RBFOX1: variants seen among roughly 807,000 people sequenced by gnomAD.
RBFOX1 encodes RNA binding protein fox-1 homolog 1.
In RBFOX1, 8 loss-of-function variants were observed where a neutral mutation model predicts 57.7. That is an observed-to-expected ratio of 0.14 (90% CI 0.08 to 0.25). The LOEUF (loss-of-function observed/expected upper bound fraction) is 0.25, where lower values mean the gene tolerates loss of function less well. RBFOX1 is among the 10% of genes least tolerant of loss of function. The pLI is 1.00. For missense variants in RBFOX1, 611 were observed against 548.5 expected (o/e 1.11, Z -1.14); for synonymous variants, 326 against 222.4 (o/e 1.47, Z -4.15).
chr16:5,255,298 G>A (rs1246202894), intron 1 of RBFOX1, among the ~76,000 whole-genome samples: 1 of 139,594 alleles, frequency 7.2e-6, no homozygotes, highest in Non-Finnish European at 1.6e-5. Flanking sequence ...CTGCTCATCT[G>A]TCCGCCTATC....
chr16:5,786,909 G>T (rs2054520998), intron 3 of RBFOX1, among the ~76,000 whole-genome samples: 2 of 152,182 alleles, frequency 1.3e-5, no homozygotes, highest in Admixed American at 1.3e-4. Context: ...GTCAAGGTGG[G>T]TGGGTCACTT....
chr16:6,320,436 A>C (rs1376497528), intron 2 of RBFOX1, among the ~76,000 whole-genome samples: 1 of 152,030 alleles, frequency 6.6e-6, no homozygotes, highest in Admixed American at 6.6e-5. Context: ...AAAAATCGCC[A>C]CTAAAGAACT....
intron 1 of RBFOX1, among the ~76,000 whole-genome samples, chr16:5,399,296 G>A (rs1351577084): frequency 6.6e-6 from 1 of 152,146 alleles, no homozygotes; most frequent in East Asian, 1.9e-4. Context: ...GAGGTCAAGG[G>A]CTCACACCTT....
chr16:6,795,938 T>C (rs564744175), intron 3 of RBFOX1, among the ~76,000 whole-genome samples: 1 of 152,256 alleles, frequency 6.6e-6, no homozygotes, highest in African/African-American at 2.4e-5. Flanking sequence ...AATCCAAACA[T>C]TGAGAAACAT....
chr16:6,666,782 GA>G (rs2098735848), intron 3 of RBFOX1, among the ~76,000 whole-genome samples: 1 of 152,022 alleles, frequency 6.6e-6, no homozygotes, highest in Non-Finnish European at 1.5e-5. Context: ...CACATAACAG[GA>G]AAAACCTTGG....
At chr16:5,328,674 C>T (rs931624206) in intron 1 of RBFOX1, among the ~76,000 whole-genome samples, 2 of 152,210 alleles carry the variant, frequency 1.3e-5, no homozygotes, top group African/African-American at 2.4e-5. Flanking sequence ...CCTGCCATAC[C>T]CTTTTTGGTC....
At chr16:6,627,778 C>T (rs1377784203) in intron 2 of RBFOX1, among the ~76,000 whole-genome samples, 3 of 151,984 alleles carry the variant, frequency 2.0e-5, no homozygotes, top group African/African-American at 7.3e-5. Flanking sequence ...GAAACTGAAG[C>T]CAATTGATAA....
At chr16:5,760,418 C>G (rs1356723053) in intron 3 of RBFOX1, among the ~76,000 whole-genome samples, 4 of 151,970 alleles carry the variant, frequency 2.6e-5, no homozygotes, top group South Asian at 2.1e-4. Context: ...ATATATACCC[C>G]CAAAGAATTG....
At chr16:7,560,154 T>A (rs1413907817) in intron 5 of RBFOX1, among the ~76,000 whole-genome samples, 1 of 152,216 alleles carries the variant, frequency 6.6e-6, no homozygotes, top group African/African-American at 2.4e-5. Context: ...GCGATTCATG[T>A]AAATCTCTCT....
intron 4 of RBFOX1, among the ~76,000 whole-genome samples, chr16:7,189,529 CA>C (rs2084821752): frequency 6.7e-6 from 1 of 150,134 alleles, no homozygotes; most frequent in Admixed American, 6.6e-5. Flanking sequence ...ACATTGCCCC[CA>C]CTCCAAAACA....
At chr16:6,477,416 T>G (rs1420660012) in intron 2 of RBFOX1, among the ~76,000 whole-genome samples, 1 of 152,222 alleles carries the variant, frequency 6.6e-6, no homozygotes, top group Admixed American at 6.5e-5. Flanking sequence ...TATGTCCTTG[T>G]GCTTCTCCAT....
At chr16:7,621,414 C>T (rs1399973845) in intron 10 of RBFOX1, among the ~76,000 whole-genome samples, 1 of 152,074 alleles carries the variant, frequency 6.6e-6, no homozygotes, top group South Asian at 2.1e-4. Context: ...GCATATGCCA[C>T]CACGCCTGGC....
intron 2 of RBFOX1, among the ~76,000 whole-genome samples, chr16:6,327,244 C>T (rs937847830): frequency 2.0e-5 from 3 of 152,090 alleles, no homozygotes; most frequent in Non-Finnish European, 4.4e-5. Context: ...GTTGCTCTCT[C>T]ATTCCCTGCG....
At chr16:5,877,128 G>A (rs1043148451) in intron 4 of RBFOX1, among the ~76,000 whole-genome samples, 1 of 152,200 alleles carries the variant, frequency 6.6e-6, no homozygotes, top group African/African-American at 2.4e-5. Flanking sequence ...ATTATATCCA[G>A]GAGGAGGGAA....
At chr16:5,979,547 G>T (rs1045668152) in intron 4 of RBFOX1, among the ~76,000 whole-genome samples, 1 of 152,144 alleles carries the variant, frequency 6.6e-6, no homozygotes, top group Non-Finnish European at 1.5e-5. Flanking sequence ...CATTCTCTCA[G>T]TTAAGTTTCA....
In RBFOX1 at chr16:5,972,935, G is replaced by A. The variant is rs377081138; in HGVS notation, c.351+105600G>A. ...CCAGCTTTTCCACAGACAAAAACAG[G>A]GCTTTTCATGAGTCATCATTTCTGT... On this transcript the variant is annotated intron_variant, in intron 4 of 19. Transcript: ENST00000641259. Among the ~76,000 whole-genome samples, 190 of 152,250 alleles carry A rather than the reference G, an allele frequency of 1.2e-3. 1 individual carries two copies. In the Middle Eastern group the frequency reaches 0.017, roughly 14 times the overall value.
chr16:6,221,927 G>A (rs538652203), intron 1 of RBFOX1, among the ~76,000 whole-genome samples: 60 of 152,246 alleles, frequency 3.9e-4, no homozygotes, highest in African/African-American at 3.4e-4. Context: ...CAGCCAAACC[G>A]TATCAACCAA....
intron 5 of RBFOX1, among the ~76,000 whole-genome samples, chr16:7,579,568 C>G (rs969827046): frequency 1.3e-5 from 2 of 152,212 alleles, no homozygotes; most frequent in Admixed American, 1.3e-4. Context: ...GCTTTTCCCA[C>G]TGCCTAATCC....
chr16:7,607,798 G>T (rs965453361), intron 10 of RBFOX1, among the ~76,000 whole-genome samples: 4 of 152,158 alleles, frequency 2.6e-5, no homozygotes, highest in East Asian at 1.9e-4. Flanking sequence ...CCAAGGGAAG[G>T]CCTTTTTCGA....
Sources: gnomAD v4.1 joint callset for allele counts (sites outside exome capture counted in the v4.1 genomes callset) on GRCh38, gnomAD v4.1.1 for gene constraint, MANE v1.5 for transcripts, NCBI Gene and HGNC (gene_info 2026-07-23, HGNC 2026-07-21) for gene names.